The following HDAC8 variants were observed in gnomAD, a reference collection of about 807,000 sequenced individuals.
The protein encoded by HDAC8 is histone deacetylase 8.
A neutral mutation model predicts 32.2 loss-of-function variants in HDAC8; 1 was observed. That is an observed-to-expected ratio of 0.03 (90% CI 0.01 to 0.15). HDAC8 has a LOEUF of 0.15. Among genes scored for constraint, HDAC8 ranks in the 10% least tolerant of loss-of-function variants. HDAC8 has a pLI of 1.00. For missense variants in HDAC8, 117 were observed against 300.0 expected (o/e 0.39, Z 4.51); for synonymous variants, 108 against 113.9 (o/e 0.95, Z 0.33).
At chrX:72,409,188 C>A (rs2046126521) in intron 9 of HDAC8, among the ~76,000 whole-genome samples, 1 of 112,352 alleles carries the variant, frequency 8.9e-6, no homozygotes, top group Non-Finnish European at 1.9e-5. Context: ...TCTTGAGAGG[C>A]ATCTCTCTGC....
chrX:72,369,219 G>A (rs1320529207), intron 9 of HDAC8, among the ~76,000 whole-genome samples: 7 of 109,222 alleles, frequency 6.4e-5, no homozygotes, highest in Non-Finnish European at 9.5e-5. Context: ...TACCAGAGAC[G>A]AATGCCTAAC....
chrX:72,439,313 G>A (rs2047047496), intron 9 of HDAC8, among the ~76,000 whole-genome samples: 1 of 111,262 alleles, frequency 9.0e-6, no homozygotes, highest in African/African-American at 3.3e-5. Context: ...CCTGAAGGAA[G>A]CACTAAATAT....
chrX:72,560,921 T>TA (rs2051537620), intron 4 of HDAC8, among the ~76,000 whole-genome samples: 1 of 110,741 alleles, frequency 9.0e-6, no homozygotes, highest in Non-Finnish European at 1.9e-5. Flanking sequence ...TATTATCTTT[T>TA]AAAAATATGA....
chrX:72,460,901 A>G lies in HDAC8; in HGVS notation c.1005+1103T>C, dbSNP rs146956079. Among the ~76,000 whole-genome samples, 36 of 112,085 alleles carry G rather than the reference A, an allele frequency of 3.2e-4. No homozygotes were observed. In the East Asian group the frequency reaches 8.7e-3, roughly 27 times the overall value. ...AAGGTAAGACAAACCAAGAAAAGAG[A>G]CTTCTATTAACCCTGACATCAGCAA... On this transcript the variant is annotated intron_variant, in intron 9 of 10. Coordinates refer to ENST00000373573, the MANE Select transcript of HDAC8 (RefSeq NM_018486.3).
rs1445702923 is a variant in HDAC8 at position 72,533,430 on chromosome X, C to G, written c.437+34459G>C. On this transcript the variant is annotated intron_variant, in intron 4 of 10. Transcript: ENST00000373573. ...AGATGGCTTCACTGGTGAATTCTAC[C>G]AAACATTTAAAGTAGAAATAATACC... Among the ~76,000 whole-genome samples the G allele has an allele frequency of 4.5e-5, 5 of 111,494 alleles. No homozygotes were observed. The East Asian group carries it at 1.4e-3, about 31-fold the overall frequency.
intron 9 of HDAC8, among the ~76,000 whole-genome samples, chrX:72,450,828 G>A (rs1240558202): frequency 9.1e-6 from 1 of 110,225 alleles, no homozygotes; most frequent in Non-Finnish European, 1.9e-5. Flanking sequence ...GGGAGAATAA[G>A]TTAAAAAAAA....
rs782357947 is a variant in HDAC8, at chrX:72,385,533, A to T, written c.1006-33695T>A. Among the ~76,000 whole-genome samples, 6 of 111,599 alleles carry T rather than the reference A, an allele frequency of 5.4e-5. No individual in the cohort carries two copies. In the East Asian group the frequency reaches 1.1e-3, roughly 21 times the overall value. On this transcript the variant is annotated intron_variant, in intron 9 of 10. Transcript: ENST00000373573. ...AAATAAAAAAGCACAAAGAAAAAAG[A>T]TCACTCCTATTTCCAACACTGGTTA...
At chrX:72,346,144 C>T (rs2044021863) in intron 10 of HDAC8, among the ~76,000 whole-genome samples, 1 of 111,593 alleles carries the variant, frequency 9.0e-6, no homozygotes, top group African/African-American at 3.3e-5. Flanking sequence ...TGGCAGTAGG[C>T]TCCTGGAAAG....
At chrX:72,431,252 A>G (rs782419833) in intron 9 of HDAC8, among the ~76,000 whole-genome samples, 7 of 111,977 alleles carry the variant, frequency 6.3e-5, no homozygotes, top group African/African-American at 9.7e-5. Context: ...TTCTGTCACT[A>G]CTGAAGAAAA....
chrX:72,389,041 T>C (rs1327399436), intron 9 of HDAC8, among the ~76,000 whole-genome samples: 6 of 112,497 alleles, frequency 5.3e-5, no homozygotes, highest in Admixed American at 1.9e-4. Flanking sequence ...TACTTGTTTA[T>C]GCACTGTCTT....
At chrX:72,499,258 T>G (rs782121270) in intron 4 of HDAC8, among the ~76,000 whole-genome samples, 51 of 112,092 alleles carry the variant, frequency 4.5e-4, no homozygotes, top group African/African-American at 1.6e-3. Flanking sequence ...CTAATCATTA[T>G]GTATATAGAC....
intron 9 of HDAC8, among the ~76,000 whole-genome samples, chrX:72,422,636 C>T (rs1219257472): frequency 4.5e-5 from 5 of 112,015 alleles, no homozygotes; most frequent in Admixed American, 2.9e-4. Flanking sequence ...CCCAAAGAAG[C>T]TCTCCCTATG....
intron 9 of HDAC8, among the ~76,000 whole-genome samples, chrX:72,404,421 C>T (rs1449905277): frequency 2.7e-5 from 3 of 110,896 alleles, no homozygotes; most frequent in Non-Finnish European, 5.7e-5. Flanking sequence ...ATTGTAAAGC[C>T]TTTAAATTCC....
chrX:72,374,020 C>A (rs140469597), intron 9 of HDAC8, among the ~76,000 whole-genome samples: 65 of 111,475 alleles, frequency 5.8e-4, no homozygotes, highest in African/African-American at 2.0e-3. Flanking sequence ...TATGTGTATC[C>A]TTTGCCCATA....
intron 7 of HDAC8, among the ~76,000 whole-genome samples, chrX:72,476,322 G>T (rs1386928798): frequency 9.1e-6 from 1 of 110,467 alleles, no homozygotes; most frequent in Non-Finnish European, 1.9e-5. Flanking sequence ...CTGGGCAGGG[G>T]GTAGGGTGGG....
In HDAC8 at chrX:72,467,645, A is replaced by G. The variant is rs150123991; in HGVS notation, c.738-2914T>C. ...TGCTTAAAGGGTACAAAATGTCTCA[A>G]ACATTGTGTGGGTGCATGTGTGCAT... On this transcript the variant is annotated intron_variant, in intron 7 of 10. Transcript: ENST00000373573. 4.7e-4 allele frequency: 99 copies of G among 209,632 alleles called. No individual in the cohort carries two copies. In the East Asian group the frequency reaches 9.8e-3, roughly 21 times the overall value. 17.3% of individuals were successfully genotyped at this position (209,632 alleles called of 1,213,427 possible).
chrX:72,442,009 A>G (rs1254942444), intron 9 of HDAC8, among the ~76,000 whole-genome samples: 1 of 111,110 alleles, frequency 9.0e-6, no homozygotes, highest in East Asian at 2.8e-4. Context: ...GAAATGAAAA[A>G]AGCCTCCAAG....
chrX:72,372,373 T>C (rs1449830992), intron 9 of HDAC8, among the ~76,000 whole-genome samples: 3 of 108,843 alleles, frequency 2.8e-5, no homozygotes, highest in Admixed American at 9.7e-5. Context: ...CGACTAGACA[T>C]TGAGCTCTTT....
chrX:72,553,138 A>G (rs2051146186), intron 4 of HDAC8, among the ~76,000 whole-genome samples: 1 of 110,901 alleles, frequency 9.0e-6, no homozygotes, highest in Non-Finnish European at 1.9e-5. Flanking sequence ...TCCTCCTCCC[A>G]GGTTCAAGTG....
Sources: gnomAD v4.1 joint callset for allele counts (sites outside exome capture counted in the v4.1 genomes callset) on GRCh38, gnomAD v4.1.1 for gene constraint, MANE v1.5 for transcripts, NCBI Gene and HGNC (gene_info 2026-07-23, HGNC 2026-07-21) for gene names.